The following UHRF2 variants were observed in gnomAD, a reference collection of about 807,000 sequenced individuals.
UHRF2 encodes the protein ubiquitin like with PHD and ring finger domains 2, also known as E3 ubiquitin-protein ligase UHRF2.
Under a neutral mutation model 96.8 loss-of-function variants are expected in UHRF2, and 23 were observed. That is an observed-to-expected ratio of 0.24 (90% CI 0.17 to 0.34). The LOEUF is 0.34. UHRF2 is among the 10% of genes least tolerant of loss of function. UHRF2 has a pLI of 1.00. For synonymous variants in UHRF2, 385 were observed against 332.6 expected, an observed-to-expected ratio of 1.16 and a Z score of -1.72; for missense variants, 685 against 981.5, an observed-to-expected ratio of 0.70 and a Z score of 4.04.
chr9:6,459,209 A>T (rs1587824737), intron 3 of UHRF2, among the ~76,000 whole-genome samples: 1 of 152,128 alleles, frequency 6.6e-6, no homozygotes, highest in East Asian at 1.9e-4. Flanking sequence ...AAGAACTTAA[A>T]TTTTAAAAAA....
Position 6,475,405 on chromosome 9 carries a change from C to A in UHRF2, c.878C>A (p.Thr293Lys). 6.4e-7 allele frequency: 1 copy of A among 1,569,030 alleles called. No individual in the cohort carries two copies. The highest frequency in any genetic ancestry group is 1.8e-5 in the Admixed American group (1 of 55,410). Residue 293 changes from threonine (T) to lysine (K), a missense_variant, in exon 5 of 16, where the codon ACA becomes AAA. Around this residue, in one of 6 missense-constraint regions of UHRF2, gnomAD observed 391 missense variants for 437.0 expected, o/e 0.89. Coordinates refer to ENST00000276893, the MANE Select transcript of UHRF2 (RefSeq NM_152896.3). The part of the protein sequence containing the change: ...VKIFLGGSEG[T>K]LNDCKIISVD... The stretch of plus-strand genomic sequence containing the variant: ...TTTTTAAACAGGGGTTCTGAAGGAA[C>A]ATTAAATGACTGCAAGATAATATCT...
intron 2 of UHRF2, among the ~76,000 whole-genome samples, chr9:6,431,009 C>A (rs1261928743): frequency 6.6e-6 from 1 of 152,176 alleles, no homozygotes; most frequent in Non-Finnish European, 1.5e-5. Context: ...TAGCTAATTA[C>A]TTCAGTTCTT....
At chr9:6,500,140 G>T (rs960323545) in intron 13 of UHRF2, among the ~76,000 whole-genome samples, 7 of 151,974 alleles carry the variant, frequency 4.6e-5, no homozygotes, top group Admixed American at 4.6e-4. Flanking sequence ...GCTAATTTTT[G>T]TATCTTTTGT....
chr9:6,417,822 A>G (rs1042616537), intron 1 of UHRF2, among the ~76,000 whole-genome samples: 1 of 152,224 alleles, frequency 6.6e-6, no homozygotes, highest in Non-Finnish European at 1.5e-5. Flanking sequence ...AAAAAGCACC[A>G]GTTGAAACAG....
intron 3 of UHRF2, among the ~76,000 whole-genome samples, chr9:6,451,731 A>G (rs1046291294): frequency 1.3e-5 from 2 of 151,412 alleles, no homozygotes; most frequent in Non-Finnish European, 2.9e-5. Context: ...TCGGCCTCCC[A>G]AAGTGCTGGG....
At position 6,501,325 on chromosome 9, in the gene UHRF2, T is replaced by C. The variant is rs1816279673; in HGVS notation, c.2163+616T>C. ...TATCTCTTCATTCTTTCCTCACTTA[T>C]TGTGTCTTTAATTTTACTTATAAAT... On this transcript the variant is annotated intron_variant, in intron 14 of 15. Coordinates refer to ENST00000276893, the MANE Select transcript of UHRF2 (RefSeq NM_152896.3). Among the ~76,000 whole-genome samples the C allele has an allele frequency of 1.3e-5, 2 of 152,196 alleles. 1 individual carries two copies. Among genetic ancestry groups the C allele is most frequent in the South Asian group, 4.1e-4 (2 of 4,834 alleles).
At chr9:6,461,109 A>G (rs975407302) in intron 4 of UHRF2, among the ~76,000 whole-genome samples, 2 of 152,296 alleles carry the variant, frequency 1.3e-5, no homozygotes, top group Non-Finnish European at 2.9e-5. Flanking sequence ...TTTAATAACT[A>G]TAATTGCTAT....
chr9:6,458,341 C>A (rs943516507), intron 3 of UHRF2, among the ~76,000 whole-genome samples: 3 of 151,854 alleles, frequency 2.0e-5, no homozygotes, highest in Admixed American at 6.6e-5. Context: ...TGGTGATATC[C>A]CCTTTATCAT....
At chr9:6,500,735 A>G in intron 14 of UHRF2, 26 bp downstream of exon 14, 1 of 1,583,900 alleles carries the variant, frequency 6.3e-7, no homozygotes, top group Non-Finnish European at 8.6e-7. Context: ...TTTAAATAAT[A>G]ACATTCTGAT....
intron 1 of UHRF2, among the ~76,000 whole-genome samples, chr9:6,414,445 C>G (rs1012803497): frequency 6.6e-6 from 1 of 152,232 alleles, no homozygotes; most frequent in East Asian, 1.9e-4. Flanking sequence ...GCAGCATAGC[C>G]AGCGGTGCAT....
intron 3 of UHRF2, among the ~76,000 whole-genome samples, chr9:6,436,699 A>G (rs1820867057): frequency 6.6e-6 from 1 of 152,204 alleles, no homozygotes; most frequent in Admixed American, 6.5e-5. Flanking sequence ...TATCCAATGG[A>G]TAGGACCTAC....
Position 6,500,835 on chromosome 9 carries a change from G to A in UHRF2, c.2163+126G>A, listed in dbSNP as rs1027281901. 6.0e-5 allele frequency: 50 copies of A among 832,082 alleles called. No homozygotes were observed. The African/African-American group carries it at 8.0e-4, about 13-fold the overall frequency. The allele number at this position is 832,082 out of a possible 1,614,324, so 51.5% of individuals were successfully genotyped here. The stretch of plus-strand genomic sequence containing the variant: ...CTTCTACCCGGTTTTCTAATCCAGT[G>A]CCACTACCTTTCAGAAATAATCTGA... On this transcript the variant is annotated intron_variant, in intron 14 of 15. Coordinates refer to ENST00000276893, the MANE Select transcript of UHRF2 (RefSeq NM_152896.3).
In UHRF2 at chr9:6,413,452, G is replaced by A. The variant is rs367892288; in HGVS notation, c.-39G>A. The A allele has an allele frequency of 4.7e-6, 7 of 1,475,244 alleles. No individual in the cohort carries two copies. Among genetic ancestry groups the A allele is most frequent in the Non-Finnish European group, 2.7e-6 (3 of 1,100,988 alleles). The allele number at this position is 1,475,244 out of a possible 1,614,324, so 91.4% of individuals were successfully genotyped here. A position where few individuals can be genotyped will look rare whatever the true frequency, so the allele number is the denominator to read the frequency against. On this transcript the variant is annotated 5_prime_UTR_variant, in exon 1 of 16. Coordinates refer to ENST00000276893, the MANE Select transcript of UHRF2 (RefSeq NM_152896.3). ...GCGGGGCGCGGCGCCCAGAGCTCAG[G>A]GGGAGACAAAGGGGACCGGTTCCTC...
chr9:6,443,518 A>G (rs1821306065), intron 3 of UHRF2, among the ~76,000 whole-genome samples: 1 of 152,220 alleles, frequency 6.6e-6, no homozygotes, highest in Admixed American at 6.5e-5. Context: ...CTATTGTAAA[A>G]CACCATCTAT....
rs376766865 is a variant in UHRF2 at position 6,498,014 on chromosome 9, T to G, written c.1768-4T>G. ...CAAACTGGCACTGAAATATTGTGATTTAGGTGGTGAAATACTGGCCAGAGA... is the reference window on the plus strand; with the variant it reads ...CAAACTGGCACTGAAATATTGTGATGTAGGTGGTGAAATACTGGCCAGAGA... On this transcript the variant is annotated splice_polypyrimidine_tract_variant and splice_region_variant and intron_variant, in intron 11 of 15. Coordinates refer to ENST00000276893, the MANE Select transcript of UHRF2 (RefSeq NM_152896.3). 3.1e-6 allele frequency: 5 copies of G among 1,612,036 alleles called. No homozygotes were observed. The highest frequency in any genetic ancestry group is 4.2e-6 in the Non-Finnish European group (5 of 1,179,828).
intron 15 of UHRF2, 51 bp from the exon 16 acceptor site, chr9:6,505,982 C>G: frequency 6.2e-7 from 1 of 1,601,812 alleles, no homozygotes; most frequent in Non-Finnish European, 8.5e-7. Context: ...TTGCTGAGTA[C>G]TTACATGCTT....
chr9:6,441,005 A>G (rs1273423363), intron 3 of UHRF2, among the ~76,000 whole-genome samples: 2 of 152,324 alleles, frequency 1.3e-5, no homozygotes, highest in East Asian at 1.9e-4. Flanking sequence ...ATGTCTAGCC[A>G]TGGTTGAGAA....
At chr9:6,503,119 C>T (rs1165873225) in intron 14 of UHRF2, among the ~76,000 whole-genome samples, 1 of 152,058 alleles carries the variant, frequency 6.6e-6, no homozygotes, top group East Asian at 1.9e-4. Flanking sequence ...CTCAGCCTCC[C>T]AAGTAGCTGG....
At chr9:6,498,952 C>T (rs1301453738) in intron 12 of UHRF2, 2 of 152,212 alleles carry the variant, frequency 1.3e-5, no homozygotes, top group African/African-American at 2.4e-5. Context: ...TAATGCAAGT[C>T]TGTTTCTGTT....
Sources: allele counts gnomAD v4.1 joint callset (sites outside exome capture counted in the v4.1 genomes callset), GRCh38; gene constraint gnomAD v4.1.1; regional missense constraint gnomAD v4.1.1; transcripts MANE v1.5; gene names NCBI Gene and HGNC (gene_info 2026-07-23, HGNC 2026-07-21).